Variants in SPSB4 observed in about 807,000 individuals in gnomAD.
The protein encoded by SPSB4 is SPRY domain-containing SOCS box protein 4.
Under a neutral mutation model 20.9 loss-of-function variants are expected in SPSB4, and 21 were observed. The ratio of observed to expected loss-of-function variants is 1.01; its 90% CI spans 0.71 to 1.45. The LOEUF (loss-of-function observed/expected upper bound fraction) is 1.45. SPSB4 is among the 40% of genes most tolerant of loss of function. SPSB4 has a pLI of 0.00. For missense variants in SPSB4, 399 were observed against 399.2 expected, an observed-to-expected ratio of 1.00 and a Z score of 0.00; for synonymous variants, 207 against 183.8, an observed-to-expected ratio of 1.13 and a Z score of -1.02.
chr3:141,071,944 A>G (rs370083799), intron 2 of SPSB4, among the ~76,000 whole-genome samples: 2 of 152,230 alleles, frequency 1.3e-5, no homozygotes, highest in African/African-American at 4.8e-5. Flanking sequence ...TGCTCTCACG[A>G]TGACTACAAG....
chr3:141,112,634 G>T (rs1489945638), intron 2 of SPSB4, among the ~76,000 whole-genome samples: 1 of 79,972 alleles, frequency 1.3e-5, no homozygotes, highest in East Asian at 4.1e-4. Flanking sequence ...GACAGAGCGA[G>T]ACTCCGTCTC....
In SPSB4 at chr3:141,066,544, G is replaced by A. The variant is rs1196258792; in HGVS notation, c.440G>A (p.Ser147Asn). ...TCGTGGGGCTGGGACCTGGGCCGCAGCCGCCTCTACCACGACGGCAAGAAC... is the reference window on the plus strand; with the variant it reads ...TCGTGGGGCTGGGACCTGGGCCGCAACCGCCTCTACCACGACGGCAAGAAC... ...AESWGWDLGR[S>N]RLYHDGKNQP... The change falls in exon 2 of 3, where the codon AGC becomes AAC. Residue 147 changes from serine to asparagine, a missense_variant. Coordinates refer to ENST00000310546, the MANE Select transcript of SPSB4 (RefSeq NM_080862.3). 6.6e-7 allele frequency: 1 copy of A among 1,518,692 alleles called. No individual in the cohort carries two copies. Among genetic ancestry groups the A allele is most frequent in the Non-Finnish European group, 8.8e-7 (1 of 1,132,190 alleles). 94.1% of individuals were successfully genotyped at this position (1,518,692 alleles called of 1,614,324 possible).
At chr3:141,107,448 C>T (rs1018516681) in intron 2 of SPSB4, among the ~76,000 whole-genome samples, 1 of 152,184 alleles carries the variant, frequency 6.6e-6, no homozygotes, top group Non-Finnish European at 1.5e-5. Context: ...TTGGGCCTGG[C>T]CTCTGTCCTG....
At chr3:141,086,294 C>A (rs903689302) in intron 2 of SPSB4, among the ~76,000 whole-genome samples, 1 of 152,212 alleles carries the variant, frequency 6.6e-6, no homozygotes, top group African/African-American at 2.4e-5. Flanking sequence ...GAGGGCAAAG[C>A]AGGTGGGAGA....
At chr3:141,126,265 G>C (rs1939049436) in intron 2 of SPSB4, among the ~76,000 whole-genome samples, 1 of 152,146 alleles carries the variant, frequency 6.6e-6, no homozygotes, top group Non-Finnish European at 1.5e-5. Flanking sequence ...AGTCACCTCT[G>C]CCTCCACCTC....
At chr3:141,064,381 T>C (rs901862472) in intron 1 of SPSB4, among the ~76,000 whole-genome samples, 2 of 152,254 alleles carry the variant, frequency 1.3e-5, no homozygotes, top group African/African-American at 4.8e-5. Context: ...TATTCTGCTA[T>C]CTTAAAACTG....
At chr3:141,137,568 C>A (rs1046915116) in intron 2 of SPSB4, among the ~76,000 whole-genome samples, 8 of 152,132 alleles carry the variant, frequency 5.3e-5, no homozygotes, top group Admixed American at 4.6e-4. Context: ...TTGTCAAAGG[C>A]CTTTTCTGCA....
intron 2 of SPSB4, among the ~76,000 whole-genome samples, chr3:141,130,299 T>C (rs1290995993): frequency 1.3e-5 from 2 of 152,136 alleles, no homozygotes; most frequent in African/African-American, 2.4e-5. Context: ...GTACAAGGAA[T>C]GGTGTTCTAG....
chr3:141,060,819 A>G (rs1937747115), intron 1 of SPSB4, among the ~76,000 whole-genome samples: 1 of 152,018 alleles, frequency 6.6e-6, no homozygotes, highest in Admixed American at 6.5e-5. Context: ...ATAAGCTGAT[A>G]GACAAAAATG....
intron 1 of SPSB4, among the ~76,000 whole-genome samples, chr3:141,064,965 G>A (rs1371364349): frequency 6.6e-6 from 1 of 152,174 alleles, no homozygotes; most frequent in African/African-American, 2.4e-5. Context: ...CCAAAGGGAG[G>A]GGATCCACAT....
At chr3:141,064,857 TTCC>T (rs1391080928) in intron 1 of SPSB4, among the ~76,000 whole-genome samples, 1 of 152,170 alleles carries the variant, frequency 6.6e-6, no homozygotes, top group African/African-American at 2.4e-5. Context: ...TGGTGGCCAA[TTCC>T]TTCTCCATGA....
Position 141,141,679 on chromosome 3 carries a change from CT to C in SPSB4, c.695-5454del, listed in dbSNP as rs569784287. Among the ~76,000 whole-genome samples, 209 of 151,340 alleles carry C rather than the reference CT, an allele frequency of 1.4e-3. 1 individual carries two copies. Among genetic ancestry groups the C allele is most frequent in the Middle Eastern group, 3.4e-3 (1 of 290 alleles). On this transcript the variant is annotated intron_variant, in intron 2 of 2. Coordinates refer to ENST00000310546, the MANE Select transcript of SPSB4 (RefSeq NM_080862.3). The stretch of plus-strand genomic sequence containing the variant: ...AGCTGTGAATCCATCTGGTCCTTGA[CT>C]TTTTTTTTGGTGGCAATTTTTTATT...
At chr3:141,063,860 CA>C (rs1313989204) in intron 1 of SPSB4, among the ~76,000 whole-genome samples, 1 of 152,268 alleles carries the variant, frequency 6.6e-6, no homozygotes, top group Non-Finnish European at 1.5e-5. Context: ...ACTTTGTTCA[CA>C]GGGTTGTTGT....
chr3:141,121,261 G>A (rs1372457792), intron 2 of SPSB4, among the ~76,000 whole-genome samples: 1 of 152,188 alleles, frequency 6.6e-6, no homozygotes, highest in African/African-American at 2.4e-5. Context: ...CTGGCTTGTA[G>A]GTTTTTGGCC....
intron 2 of SPSB4, among the ~76,000 whole-genome samples, chr3:141,142,978 A>G (rs962864655): frequency 1.7e-4 from 26 of 151,374 alleles, no homozygotes; most frequent in African/African-American, 4.1e-4. Flanking sequence ...CACCACGCCC[A>G]GCTAATTTTT....
At chr3:141,122,598 C>T (rs542359143) in intron 2 of SPSB4, among the ~76,000 whole-genome samples, 33 of 152,308 alleles carry the variant, frequency 2.2e-4, no homozygotes, top group African/African-American at 7.7e-4. Flanking sequence ...GCTTCCCAGC[C>T]TCTTTGTTTA....
chr3:141,089,169 G>A (rs11919846), intron 2 of SPSB4, among the ~76,000 whole-genome samples: 17,561 of 152,190 alleles, frequency 0.12, 1,167 homozygotes, highest in African/African-American at 0.16. Context: ...AGAGGCTACT[G>A]GTCCTTAAGG....
chr3:141,128,085 C>G (rs567187678), intron 2 of SPSB4, among the ~76,000 whole-genome samples: 1 of 152,320 alleles, frequency 6.6e-6, no homozygotes, highest in African/African-American at 2.4e-5. Context: ...AGAGACGGCC[C>G]TGCGGCCTCC....
intron 2 of SPSB4, among the ~76,000 whole-genome samples, chr3:141,135,587 G>A (rs1939213989): frequency 6.6e-6 from 1 of 150,794 alleles, no homozygotes; most frequent in African/African-American, 2.4e-5. Flanking sequence ...GTGAGAACAT[G>A]CAGTGTTTGG....
Sources: gnomAD v4.1 joint callset for allele counts (sites outside exome capture counted in the v4.1 genomes callset) on GRCh38, gnomAD v4.1.1 for gene constraint, MANE v1.5 for transcripts, NCBI Gene and HGNC (gene_info 2026-07-23, HGNC 2026-07-21) for gene names.